The following NELL2 variants were observed in gnomAD, a reference collection of about 807,000 sequenced individuals.
The protein encoded by NELL2 is protein kinase C-binding protein NELL2.
In NELL2, 41 loss-of-function variants were observed where a neutral mutation model predicts 109.6. The observed-to-expected ratio is 0.37, with a 90% CI of 0.29 to 0.49. The LOEUF (loss-of-function observed/expected upper bound fraction) is 0.49. NELL2 is among the 20% of genes least tolerant of loss of function. NELL2 has a pLI of 0.98. For missense variants in NELL2, 900 were observed against 1,008.3 expected (o/e 0.89, Z 1.45); for synonymous variants, 355 against 344.7 (o/e 1.03, Z -0.33).
chr12:44,875,044 G>T, intron 2 of NELL2, 181 bp downstream of exon 2: 1 of 723,160 alleles, frequency 1.4e-6, no homozygotes. Context: ...GAAGGGTGAG[G>T]CAGGGGAGAA....
In NELL2 at chr12:44,876,088, C is replaced by T. The variant is rs1945311158; in HGVS notation, c.-219G>A. 1 of 1,382,042 alleles carries T rather than the reference C, an allele frequency of 7.2e-7. No individual in the cohort carries two copies. Among genetic ancestry groups the T allele is most frequent in the Non-Finnish European group, 9.3e-7 (1 of 1,070,396 alleles). The allele number at this position is 1,382,042 out of a possible 1,614,324, so 85.6% of individuals were successfully genotyped here. A position where few individuals can be genotyped will look rare whatever the true frequency, so the allele number is the denominator to read the frequency against. ...GACCCTCCAATGCGCACATCATTCC[C>T]ACACGCAGGGCCGAGGCGGCAGCGC... On this transcript the variant is annotated 5_prime_UTR_variant, in exon 1 of 20. Transcript: ENST00000429094.
At chr12:44,818,671 T>A (rs1943433732) in intron 2 of NELL2, among the ~76,000 whole-genome samples, 1 of 152,030 alleles carries the variant, frequency 6.6e-6, no homozygotes, top group African/African-American at 2.4e-5. Flanking sequence ...TATTCACTAT[T>A]GCTTTTGGAG....
At chr12:44,547,436 T>C (rs1942845204) in intron 15 of NELL2, among the ~76,000 whole-genome samples, 1 of 152,118 alleles carries the variant, frequency 6.6e-6, no homozygotes, top group Non-Finnish European at 1.5e-5. Context: ...GTAAACGAGG[T>C]AGGATCAAAA....
intron 12 of NELL2, among the ~76,000 whole-genome samples, chr12:44,685,937 T>C (rs1948702596): frequency 6.6e-6 from 1 of 152,268 alleles, no homozygotes; most frequent in East Asian, 1.9e-4. Flanking sequence ...GCGTTCTCTA[T>C]ATTTCCTGAA....
chr12:44,848,673 G>A (rs1944445874), intron 2 of NELL2, among the ~76,000 whole-genome samples: 1 of 152,192 alleles, frequency 6.6e-6, no homozygotes, highest in South Asian at 2.1e-4. Flanking sequence ...ATAAAAGAGA[G>A]AGAGAGAGAG....
At chr12:44,875,440 G>C in intron 1 of NELL2, 87 bp from the exon 2 acceptor site, 1 of 1,613,830 alleles carries the variant, frequency 6.2e-7, no homozygotes, top group Non-Finnish European at 8.5e-7. Flanking sequence ...AAAGAACCGC[G>C]TTTTCGCGAC....
At chr12:44,513,136 T>C (rs919885067) in intron 19 of NELL2, among the ~76,000 whole-genome samples, 4 of 152,054 alleles carry the variant, frequency 2.6e-5, no homozygotes, top group African/African-American at 9.6e-5. Context: ...AAGCTTTCCA[T>C]TGAAGGCCTA....
chr12:44,856,537 G>A (rs1484895410), intron 2 of NELL2, among the ~76,000 whole-genome samples: 1 of 152,156 alleles, frequency 6.6e-6, no homozygotes, highest in African/African-American at 2.4e-5. Flanking sequence ...AAAAACGTTT[G>A]AAAGAAGTAA....
At chr12:44,901,084 G>T (rs1945654907) in intron 1 of NELL2, among the ~76,000 whole-genome samples, 1 of 151,932 alleles carries the variant, frequency 6.6e-6, no homozygotes, top group Admixed American at 6.6e-5. Flanking sequence ...ATATGAAAAA[G>T]ACTTCAAAAA....
rs73104376 is a variant in NELL2 at position 44,802,429 on chromosome 12, T to C, written c.335+13557A>G. 4.4e-3 allele frequency among the ~76,000 whole-genome samples: 666 copies of C among 152,088 alleles called. 3 individuals are homozygous for C. Among genetic ancestry groups the C allele is most frequent in the Non-Finnish European group, 8.0e-3 (547 of 67,978 alleles). On this transcript the variant is annotated intron_variant, in intron 3 of 19. Coordinates refer to ENST00000429094, the MANE Select transcript of NELL2 (RefSeq NM_001145108.2). ...AATGTAAATGCCTTTTAGCAAAATA[T>C]ACCTCTAATATATCATATATATACG...
intron 18 of NELL2, among the ~76,000 whole-genome samples, chr12:44,521,626 T>C (rs569409982): frequency 2.0e-5 from 3 of 152,232 alleles, no homozygotes; most frequent in South Asian, 4.2e-4. Flanking sequence ...ACAAAAGTTC[T>C]ACTTGGAAAA....
intron 3 of NELL2, among the ~76,000 whole-genome samples, chr12:44,790,166 C>A (rs12319039): frequency 2.6e-5 from 4 of 152,046 alleles, no homozygotes; most frequent in Non-Finnish European, 5.9e-5. Flanking sequence ...CGCCTAGGCA[C>A]ATTATCATCA....
chr12:44,540,842 C>T (rs922765716), intron 15 of NELL2, among the ~76,000 whole-genome samples: 2 of 125,456 alleles, frequency 1.6e-5, no homozygotes, highest in Non-Finnish European at 3.2e-5. Flanking sequence ...TCTGTGTATT[C>T]ACTTCTAAAC....
intron 12 of NELL2, among the ~76,000 whole-genome samples, chr12:44,671,704 G>A (rs753371187): frequency 1.2e-4 from 18 of 152,090 alleles, no homozygotes; most frequent in Admixed American, 9.2e-4. Flanking sequence ...AACCTACCAA[G>A]ACTGAACCAG....
At position 44,897,943 on chromosome 12, in the gene NELL2, G is replaced by A. The variant is rs138836926; in HGVS notation, c.38+15856C>T. 4.9e-3 allele frequency among the ~76,000 whole-genome samples: 741 copies of A among 152,268 alleles called. 6 individuals are homozygous for A. Among genetic ancestry groups the A allele is most frequent in the African/African-American group, 0.017 (694 of 41,554 alleles). ...CAGAGTGGTGTGGGGAGGGGCATCC[G>A]CCATTACTGAGGCTTCAGTAGGTGC... is the stretch of plus-strand genomic sequence containing the variant. On this transcript the variant is annotated intron_variant, in intron 1 of 20. Transcript: ENST00000333837.
chr12:44,842,253 G>A (rs1222581239), intron 2 of NELL2, among the ~76,000 whole-genome samples: 1 of 152,136 alleles, frequency 6.6e-6, no homozygotes, highest in African/African-American at 2.4e-5. Flanking sequence ...GGATAGTGTG[G>A]TATTGGAATA....
chr12:44,791,696 T>C (rs1016406473), intron 3 of NELL2, among the ~76,000 whole-genome samples: 6 of 152,104 alleles, frequency 3.9e-5, no homozygotes, highest in South Asian at 2.1e-4. Context: ...CTTGAGCAAA[T>C]AGAAGACAAG....
intron 15 of NELL2, among the ~76,000 whole-genome samples, chr12:44,587,186 G>A (rs1410006723): frequency 6.8e-6 from 1 of 147,906 alleles, no homozygotes; most frequent in Non-Finnish European, 1.5e-5. Context: ...GCAGGAGAAT[G>A]GTGTGAACCC....
At chr12:44,618,074 T>G (rs1945907199) in intron 13 of NELL2, among the ~76,000 whole-genome samples, 1 of 152,186 alleles carries the variant, frequency 6.6e-6, no homozygotes, top group African/African-American at 2.4e-5. Context: ...TCACTTTATA[T>G]TATAGAAAAA....
Sources: gnomAD v4.1 joint callset for allele counts (sites outside exome capture counted in the v4.1 genomes callset) on GRCh38, gnomAD v4.1.1 for gene constraint, MANE v1.5 for transcripts, NCBI Gene and HGNC (gene_info 2026-07-23, HGNC 2026-07-21) for gene names.